Variants in SNX29 observed in about 807,000 individuals in gnomAD.
SNX29 encodes sorting nexin 29.
A neutral mutation model predicts 102.1 loss-of-function variants in SNX29; 78 were observed. The observed-to-expected ratio is 0.76, with a 90% CI of 0.64 to 0.92. The LOEUF is 0.92. SNX29 is among the 40% of genes least tolerant of loss of function. The pLI, the probability that SNX29 is intolerant of heterozygous loss-of-function variation, is 0.00. For missense variants in SNX29, 1,280 were observed against 1,061.7 expected (o/e 1.21, Z -2.86); for synonymous variants, 580 against 414.5 (o/e 1.40, Z -4.85).
intron 20 of SNX29, among the ~76,000 whole-genome samples, chr16:12,555,138 A>T (rs530959574): frequency 6.6e-6 from 1 of 151,800 alleles, no homozygotes; most frequent in African/African-American, 2.4e-5. Flanking sequence ...TTATTCTCAG[A>T]CTTGGTCCAG....
intron 20 of SNX29, among the ~76,000 whole-genome samples, chr16:12,532,825 C>G (rs1243216999): frequency 6.6e-6 from 1 of 152,180 alleles, no homozygotes; most frequent in Non-Finnish European, 1.5e-5. Context: ...GCCTGGTCAG[C>G]CTAGCGAGGG....
At chr16:12,036,004 T>C (rs568102476) in intron 4 of SNX29, among the ~76,000 whole-genome samples, 1 of 152,348 alleles carries the variant, frequency 6.6e-6, no homozygotes, top group East Asian at 1.9e-4. Flanking sequence ...AGCCTTTGTA[T>C]CTATCACTGG....
At chr16:12,226,501 C>T (rs2077613514) in intron 14 of SNX29, among the ~76,000 whole-genome samples, 1 of 151,784 alleles carries the variant, frequency 6.6e-6, no homozygotes. Context: ...CTGCATGGAG[C>T]CCCAGGTTCT....
intron 19 of SNX29, among the ~76,000 whole-genome samples, chr16:12,494,747 C>G (rs530301589): frequency 1.3e-5 from 2 of 152,300 alleles, no homozygotes; most frequent in East Asian, 3.9e-4. Context: ...AGTTAACTGC[C>G]TGATCCTCAT....
intron 18 of SNX29, among the ~76,000 whole-genome samples, chr16:12,477,227 TTCTTTCTG>T (rs1266385462): frequency 1.3e-5 from 2 of 152,218 alleles, no homozygotes; most frequent in Non-Finnish European, 2.9e-5. Flanking sequence ...GCCCCCTCCC[TTCTTTCTG>T]AAACTGAATT....
chr16:12,026,323 C>G (rs1026058880), intron 3 of SNX29, among the ~76,000 whole-genome samples: 1 of 152,236 alleles, frequency 6.6e-6, no homozygotes, highest in East Asian at 1.9e-4. Context: ...GTCTGGTTAA[C>G]TTATTTGTGT....
chr16:12,470,432 C>T (rs2087280762), intron 18 of SNX29, among the ~76,000 whole-genome samples: 1 of 152,224 alleles, frequency 6.6e-6, no homozygotes, highest in African/African-American at 2.4e-5. Flanking sequence ...AGGTCCTCCT[C>T]CTAAAATAGC....
At chr16:12,539,522 A>G (rs1444791318) in intron 20 of SNX29, among the ~76,000 whole-genome samples, 1 of 152,216 alleles carries the variant, frequency 6.6e-6, no homozygotes, top group African/African-American at 2.4e-5. Flanking sequence ...AGTTGTTGGC[A>G]ATTTTGAATA....
chr16:12,069,337 C>T (rs1221235350), intron 10 of SNX29, among the ~76,000 whole-genome samples: 1 of 152,118 alleles, frequency 6.6e-6, no homozygotes, highest in Non-Finnish European at 1.5e-5. Context: ...GCAGTCTCGG[C>T]TCACTGCAAA....
chr16:12,437,981 C>T (rs1214005020), intron 18 of SNX29, among the ~76,000 whole-genome samples: 1 of 152,150 alleles, frequency 6.6e-6, no homozygotes, highest in Non-Finnish European at 1.5e-5. Context: ...GGCTCCTCAC[C>T]CCATGTGGCA....
chr16:12,452,775 C>T (rs1489627272), intron 18 of SNX29, among the ~76,000 whole-genome samples: 1 of 152,110 alleles, frequency 6.6e-6, no homozygotes, highest in East Asian at 1.9e-4. Context: ...AAGGTGTCGG[C>T]AGGCATGGTG....
chr16:12,282,748 C>T (rs1188711406), intron 15 of SNX29, among the ~76,000 whole-genome samples: 1 of 152,196 alleles, frequency 6.6e-6, no homozygotes, highest in Non-Finnish European at 1.5e-5. Context: ...CTCCCCCTCC[C>T]AGGTTCAAGC....
At chr16:12,059,141 C>T (rs1462016913) in intron 8 of SNX29, among the ~76,000 whole-genome samples, 1 of 152,140 alleles carries the variant, frequency 6.6e-6, no homozygotes, top group Non-Finnish European at 1.5e-5. Context: ...ACCTCATCCT[C>T]TTGGGGCCTG....
intron 14 of SNX29, among the ~76,000 whole-genome samples, chr16:12,234,134 A>C (rs1359329720): frequency 6.6e-6 from 1 of 152,176 alleles, no homozygotes; most frequent in Non-Finnish European, 1.5e-5. Flanking sequence ...TGCTGGGTCA[A>C]AGCGGCTGTA....
At chr16:12,342,909 C>T (rs572253896) in intron 15 of SNX29, among the ~76,000 whole-genome samples, 2 of 152,286 alleles carry the variant, frequency 1.3e-5, no homozygotes, top group African/African-American at 4.8e-5. Context: ...GGCTGCATAC[C>T]CCTTCCTGGG....
chr16:12,452,624 CCTT>C (rs3217264), intron 18 of SNX29, among the ~76,000 whole-genome samples: 54,577 of 151,660 alleles, frequency 0.36, 9,955 homozygotes, highest in South Asian at 0.45. Context: ...CATTTTCTCT[CCTT>C]CTTCAGTGGA....
At position 12,061,662 on chromosome 16, in the gene SNX29, T is replaced by G; in HGVS notation, c.1243+16T>G. The G allele has an allele frequency of 1.3e-6, 2 of 1,595,500 alleles. No homozygotes were observed. Among genetic ancestry groups the G allele is most frequent in the South Asian group, 2.3e-5 (2 of 88,512 alleles). On this transcript the variant is annotated intron_variant, in intron 9 of 20. Transcript: ENST00000566228. The stretch of plus-strand genomic sequence containing the variant: ...AGCCCAGCAGGTGGGTGTCTCCCGA[T>G]TACTCCTTTCCTCCAATAAGAGCTT...
chr16:12,540,666 A>T (rs367778315), intron 20 of SNX29, among the ~76,000 whole-genome samples: 27 of 152,274 alleles, frequency 1.8e-4, no homozygotes, highest in East Asian at 7.7e-4. Flanking sequence ...GAATGTAACC[A>T]CAGCTGCTGG....
In SNX29 at chr16:12,280,812, T is replaced by TA. The variant is rs1199070873; in HGVS notation, c.1782+2779dup. On this transcript the variant is annotated intron_variant, in intron 15 of 20. Coordinates refer to ENST00000566228, the MANE Select transcript of SNX29 (RefSeq NM_032167.5). ...GGGTTGATTTTTACCAAAATAGTTG[T>TA]AAAGACTTGTTAGAGTAATGAACGA... is the stretch of plus-strand genomic sequence containing the variant. Among the ~76,000 whole-genome samples the TA allele has an allele frequency of 3.3e-5, 5 of 152,362 alleles. No individual in the cohort carries two copies. The East Asian group carries it at 9.6e-4, about 29-fold the overall frequency.
Sources: allele counts gnomAD v4.1 joint callset (sites outside exome capture counted in the v4.1 genomes callset), GRCh38; gene constraint gnomAD v4.1.1; transcripts MANE v1.5; gene names NCBI Gene and HGNC (gene_info 2026-07-23, HGNC 2026-07-21).